Variants in KCNQ3 observed in about 807,000 individuals in gnomAD.
KCNQ3 encodes potassium voltage-gated channel subfamily KQT member 3.
In KCNQ3, 30 loss-of-function variants were observed where a neutral mutation model predicts 92.5. The observed-to-expected ratio is 0.32, with a 90% CI of 0.24 to 0.44. The LOEUF is 0.44. Among genes scored for constraint, KCNQ3 ranks in the 20% least tolerant of loss-of-function variants. KCNQ3 has a pLI of 1.00. For synonymous variants in KCNQ3, 450 were observed against 468.8 expected (o/e 0.96, Z 0.52); for missense variants, 913 against 1,140.3 (o/e 0.80, Z 2.87).
chr8:132,168,117 A>G (rs947229417), intron 8 of KCNQ3, among the ~76,000 whole-genome samples: 1 of 152,070 alleles, frequency 6.6e-6, no homozygotes, highest in Non-Finnish European at 1.5e-5. Flanking sequence ...TAACTCTCCC[A>G]CCAGTCATGG....
At chr8:132,390,540 A>C (rs1426128730) in intron 1 of KCNQ3, among the ~76,000 whole-genome samples, 1 of 152,218 alleles carries the variant, frequency 6.6e-6, no homozygotes, top group East Asian at 1.9e-4. Flanking sequence ...CTTTGAGAGC[A>C]GGGTGTGGTA....
At chr8:132,175,755 A>G (rs56376231) in intron 4 of KCNQ3, 147 bp from the exon 5 acceptor site, 9 of 758,110 alleles carry the variant, frequency 1.2e-5, no homozygotes, top group Non-Finnish European at 2.1e-5. Flanking sequence ...TTCATCTTCC[A>G]TCACTGTAAA....
chr8:132,369,044 A>G (rs561820499), intron 1 of KCNQ3, among the ~76,000 whole-genome samples: 1 of 152,262 alleles, frequency 6.6e-6, no homozygotes, highest in South Asian at 2.1e-4. Flanking sequence ...TTTGAGAGAT[A>G]CCAGTCAGGT....
intron 1 of KCNQ3, among the ~76,000 whole-genome samples, chr8:132,294,369 G>T (rs7838196): frequency 6.6e-6 from 1 of 152,026 alleles, no homozygotes; most frequent in African/African-American, 2.4e-5. Context: ...CAGGGGACTG[G>T]GGGTGTTGCA....
chr8:132,125,916 G>T lies in KCNQ3; in HGVS notation c.*3346C>A, dbSNP rs985628841. 6.6e-6 allele frequency: 1 copy of T among 151,990 alleles called. No individual in the cohort carries two copies. Among genetic ancestry groups the T allele is most frequent in the African/African-American group, 2.4e-5 (1 of 41,348 alleles). The allele number at this position is 151,990 out of a possible 1,614,324, so 9.4% of individuals were successfully genotyped here. ...GAAATAATTTTTTTCTTAAGCTTTT[G>T]ATATTTGCTTTTGTGCTGACATTTG... On this transcript the variant is annotated 3_prime_UTR_variant, in exon 15 of 15. Transcript: ENST00000388996.
chr8:132,424,225 C>A (rs145157290), intron 1 of KCNQ3, among the ~76,000 whole-genome samples: 2 of 151,846 alleles, frequency 1.3e-5, no homozygotes, highest in African/African-American at 4.8e-5. Flanking sequence ...AGCTGTTCTG[C>A]CTCTGTCGCC....
At chr8:132,235,959 T>A (rs1374865157) in intron 1 of KCNQ3, among the ~76,000 whole-genome samples, 47 of 152,156 alleles carry the variant, frequency 3.1e-4, no homozygotes. Flanking sequence ...TTGGCGGGAG[T>A]GGGCTCCATG....
At chr8:132,134,727 A>C (rs1825020121) in intron 12 of KCNQ3, among the ~76,000 whole-genome samples, 1 of 151,776 alleles carries the variant, frequency 6.6e-6, no homozygotes, top group Admixed American at 6.6e-5. Flanking sequence ...AACCACTGAG[A>C]GAGGTGACGG....
intron 6 of KCNQ3, among the ~76,000 whole-genome samples, chr8:132,173,754 G>A (rs796893900): frequency 9.2e-5 from 14 of 152,296 alleles, no homozygotes; most frequent in African/African-American, 3.4e-4. Context: ...TCTATCATAG[G>A]TCAAGGCTTA....
chr8:132,184,716 G>C (rs151307966), intron 2 of KCNQ3, among the ~76,000 whole-genome samples: 1 of 152,282 alleles, frequency 6.6e-6, no homozygotes, highest in East Asian at 1.9e-4. Flanking sequence ...CAGTTGGGTT[G>C]AAAAGAGAGA....
At chr8:132,253,895 G>T (rs1815493716) in intron 1 of KCNQ3, among the ~76,000 whole-genome samples, 1 of 152,182 alleles carries the variant, frequency 6.6e-6, no homozygotes, top group Admixed American at 6.5e-5. Context: ...TACTCTGAAA[G>T]CCCCTGGAAA....
At chr8:132,384,578 G>C (rs1018951133) in intron 1 of KCNQ3, among the ~76,000 whole-genome samples, 3 of 152,182 alleles carry the variant, frequency 2.0e-5, no homozygotes, top group African/African-American at 7.2e-5. Context: ...TGCAACCCAA[G>C]AATTCTATAC....
intron 1 of KCNQ3, among the ~76,000 whole-genome samples, chr8:132,392,529 CT>C (rs928976583): frequency 2.0e-5 from 3 of 151,980 alleles, no homozygotes; most frequent in Non-Finnish European, 4.4e-5. Flanking sequence ...ACTCCTCTCT[CT>C]CTCTCAACTC....
chr8:132,185,250 C>T (rs1826924113), intron 2 of KCNQ3, among the ~76,000 whole-genome samples: 1 of 152,214 alleles, frequency 6.6e-6, no homozygotes, highest in South Asian at 2.1e-4. Flanking sequence ...AAGAAGGCTC[C>T]ACTATTTTAA....
In KCNQ3 at chr8:132,140,071, A is replaced by C; in HGVS notation, c.1568+5T>G. Reference sequence around the variant, plus strand: ...CAGGCACAGGTGGGACCGTGGGGGCATTACCTGACGGCTCGGATGGCGGCC... The same window carrying C: ...CAGGCACAGGTGGGACCGTGGGGGCCTTACCTGACGGCTCGGATGGCGGCC... On this transcript the variant is annotated splice_donor_5th_base_variant and intron_variant, in intron 11 of 14. Coordinates refer to ENST00000388996, the MANE Select transcript of KCNQ3 (RefSeq NM_004519.4). The C allele has an allele frequency of 6.3e-7, 1 of 1,585,400 alleles. No homozygotes were observed. The highest frequency in any genetic ancestry group is 1.2e-5 in the South Asian group (1 of 85,322).
chr8:132,238,198 G>T (rs1185149575), intron 1 of KCNQ3, among the ~76,000 whole-genome samples: 3 of 152,018 alleles, frequency 2.0e-5, no homozygotes, highest in Non-Finnish European at 4.4e-5. Flanking sequence ...CGGCGGAGGG[G>T]GTATGCTTGC....
intron 14 of KCNQ3, among the ~76,000 whole-genome samples, chr8:132,130,421 A>C (rs1824844565): frequency 1.3e-5 from 2 of 152,226 alleles, no homozygotes; most frequent in Admixed American, 1.3e-4. Flanking sequence ...AGAAGGGAAG[A>C]TAATTCTTGC....
chr8:132,247,638 T>C lies in KCNQ3; in HGVS notation c.387-61457A>G, dbSNP rs562597711. On this transcript the variant is annotated intron_variant, in intron 1 of 14. Coordinates refer to ENST00000388996, the MANE Select transcript of KCNQ3 (RefSeq NM_004519.4). ...GGTGAAACCCCATCTCTACTAAAAA[T>C]ATAAAAAAAATTAGCCGGGCGTGGC... Among the ~76,000 whole-genome samples, 4 of 151,216 alleles carry C rather than the reference T, an allele frequency of 2.6e-5. No individual in the cohort carries two copies. In the East Asian group the frequency reaches 5.9e-4, roughly 22 times the overall value.
intron 12 of KCNQ3, among the ~76,000 whole-genome samples, chr8:132,136,745 T>TAC (rs935015272): frequency 8.5e-5 from 13 of 152,230 alleles, no homozygotes; most frequent in African/African-American, 3.1e-4. Flanking sequence ...TATATATGTG[T>TAC]ACACACATGT....
Sources: gnomAD v4.1 joint callset for allele counts (sites outside exome capture counted in the v4.1 genomes callset) on GRCh38, gnomAD v4.1.1 for gene constraint, MANE v1.5 for transcripts, NCBI Gene and HGNC (gene_info 2026-07-23, HGNC 2026-07-21) for gene names.